FGGY: variants seen among roughly 807,000 people sequenced by gnomAD.
FGGY encodes the protein FGGY carbohydrate kinase domain-containing protein.
FGGY carries 72 observed loss-of-function variants against 71.3 expected under a neutral mutation model. That is an observed-to-expected ratio of 1.01 (90% CI 0.84 to 1.23). The LOEUF is 1.23. FGGY is among the 50% of genes most tolerant of loss of function. The pLI, the probability that FGGY is intolerant of heterozygous loss-of-function variation, is 0.00. For missense variants in FGGY, 668 were observed against 682.3 expected (o/e 0.98, Z 0.23); for synonymous variants, 251 against 250.3 (o/e 1.00, Z -0.02).
At chr1:59,690,821 A>G (rs1204377203) in intron 14 of FGGY, among the ~76,000 whole-genome samples, 1 of 152,268 alleles carries the variant, frequency 6.6e-6, no homozygotes, top group Non-Finnish European at 1.5e-5. Flanking sequence ...AGTCGCTAGC[A>G]GGTAAAATCT....
intron 8 of FGGY, among the ~76,000 whole-genome samples, chr1:59,561,953 A>G (rs1486052667): frequency 2.0e-5 from 3 of 152,074 alleles, no homozygotes; most frequent in East Asian, 3.9e-4. Context: ...GTCATTAGGG[A>G]AATGCAAATT....
intron 8 of FGGY, among the ~76,000 whole-genome samples, chr1:59,602,422 T>A (rs2096587082): frequency 6.6e-6 from 1 of 152,228 alleles, no homozygotes; most frequent in African/African-American, 2.4e-5. Flanking sequence ...TATTTCTATA[T>A]GATTTATTAT....
At chr1:59,365,219 G>T (rs2056371480) in intron 4 of FGGY, among the ~76,000 whole-genome samples, 1 of 152,162 alleles carries the variant, frequency 6.6e-6, no homozygotes, top group South Asian at 2.1e-4. Flanking sequence ...AAGAACATTT[G>T]GATGAGGTAA....
chr1:59,706,476 G>A (rs1236397260), intron 14 of FGGY, among the ~76,000 whole-genome samples: 1 of 152,152 alleles, frequency 6.6e-6, no homozygotes, highest in Non-Finnish European at 1.5e-5. Flanking sequence ...AATCATATAT[G>A]GTATCTGAAT....
At chr1:59,647,263 G>A (rs866356825) in intron 11 of FGGY, among the ~76,000 whole-genome samples, 7 of 152,276 alleles carry the variant, frequency 4.6e-5, no homozygotes, top group Non-Finnish European at 7.4e-5. Context: ...GACCAGCTTC[G>A]AGAAACAGTA....
intron 1 of FGGY, among the ~76,000 whole-genome samples, chr1:59,298,006 T>A (rs765748017): frequency 2.6e-5 from 4 of 152,166 alleles, no homozygotes; most frequent in Admixed American, 6.6e-5. Flanking sequence ...AGGGGTGAGG[T>A]GCTTATTCTT....
intron 5 of FGGY, among the ~76,000 whole-genome samples, chr1:59,438,433 G>C (rs1395345202): frequency 6.6e-6 from 1 of 152,120 alleles, no homozygotes; most frequent in Non-Finnish European, 1.5e-5. Flanking sequence ...CTCATGTTTA[G>C]GCATATCATA....
chr1:59,532,047 G>A (rs912050550), intron 7 of FGGY, among the ~76,000 whole-genome samples: 16 of 152,246 alleles, frequency 1.1e-4, no homozygotes, highest in African/African-American at 3.9e-4. Flanking sequence ...TAAAAACAAA[G>A]CCACAGAAAA....
At chr1:59,413,249 C>T (rs1030140739) in intron 5 of FGGY, among the ~76,000 whole-genome samples, 2 of 152,184 alleles carry the variant, frequency 1.3e-5, no homozygotes, top group African/African-American at 4.8e-5. Flanking sequence ...AATTGTTCAC[C>T]TGCATCTCTC....
intron 12 of FGGY, among the ~76,000 whole-genome samples, chr1:59,664,607 A>C (rs772360773): frequency 5.9e-5 from 9 of 152,186 alleles, no homozygotes; most frequent in Non-Finnish European, 1.3e-4. Context: ...TTCCATACAG[A>C]CTGTATTGCT....
chr1:59,375,027 G>T (rs1470193416), intron 4 of FGGY, among the ~76,000 whole-genome samples: 3 of 150,910 alleles, frequency 2.0e-5, no homozygotes, highest in African/African-American at 7.3e-5. Context: ...TAACTAACCT[G>T]CACATTGTGC....
intron 14 of FGGY, among the ~76,000 whole-genome samples, chr1:59,721,208 A>G (rs1293357173): frequency 1.3e-5 from 2 of 152,134 alleles, no homozygotes; most frequent in African/African-American, 2.4e-5. Flanking sequence ...ATATATGTGC[A>G]TGAACTTATG....
At chr1:59,614,709 T>G (rs9658972) in intron 9 of FGGY, among the ~76,000 whole-genome samples, 11,631 of 152,064 alleles carry the variant, frequency 0.076, 1,207 homozygotes, top group African/African-American at 0.24. Context: ...AAGTCAAATT[T>G]TTCCTGTTTG....
At chr1:59,394,439 C>G (rs1036504733) in intron 5 of FGGY, among the ~76,000 whole-genome samples, 5 of 152,070 alleles carry the variant, frequency 3.3e-5, no homozygotes, top group African/African-American at 9.7e-5. Flanking sequence ...AAATGCCCAC[C>G]CTGGGACTTA....
rs1281994943 is a variant in FGGY, at chr1:59,652,202, A to C, written c.1222-8017A>C. On this transcript the variant is annotated intron_variant, in intron 11 of 15. Coordinates refer to ENST00000303721, the MANE Select transcript of FGGY (RefSeq NM_018291.5). Reference sequence around the variant, plus strand: ...CCCTTAACATTTTTTCCTTCATTTCAACTTTGGTGAATCTGACAATTATGT... The same window carrying C: ...CCCTTAACATTTTTTCCTTCATTTCCACTTTGGTGAATCTGACAATTATGT... 1.7e-4 allele frequency among the ~76,000 whole-genome samples: 25 copies of C among 149,366 alleles called. 1 individual carries two copies. The highest frequency in any genetic ancestry group is 6.7e-4 in the Admixed American group (10 of 14,972).
At chr1:59,314,451 AT>A (rs1425212878) in intron 1 of FGGY, among the ~76,000 whole-genome samples, 1 of 152,154 alleles carries the variant, frequency 6.6e-6, no homozygotes, top group Admixed American at 6.5e-5. Flanking sequence ...TTATAAAGGA[AT>A]TGCCCTTTTA....
At chr1:59,350,307 A>G (rs1405087013) in intron 4 of FGGY, among the ~76,000 whole-genome samples, 1 of 152,130 alleles carries the variant, frequency 6.6e-6, no homozygotes, top group Non-Finnish European at 1.5e-5. Context: ...GTGGTAGGGG[A>G]GCATAAGGAA....
intron 11 of FGGY, among the ~76,000 whole-genome samples, chr1:59,653,326 G>C (rs1572697405): frequency 2.0e-5 from 3 of 152,334 alleles, no homozygotes; most frequent in Admixed American, 1.3e-4. Flanking sequence ...GCAAGCCTGG[G>C]CAATGGCGGG....
chr1:59,438,509 G>A (rs1341917538), intron 5 of FGGY, among the ~76,000 whole-genome samples: 2 of 152,112 alleles, frequency 1.3e-5, no homozygotes, highest in Admixed American at 6.5e-5. Context: ...TTCAGAGTCC[G>A]ATACCTATTG....
Sources: allele counts gnomAD v4.1 joint callset (sites outside exome capture counted in the v4.1 genomes callset), GRCh38; gene constraint gnomAD v4.1.1; transcripts MANE v1.5; gene names NCBI Gene and HGNC (gene_info 2026-07-23, HGNC 2026-07-21).